Variants in VPS13B observed in about 807,000 individuals in gnomAD.
VPS13B encodes the protein vacuolar protein sorting 13 homolog B.
Under a neutral mutation model 426.4 loss-of-function variants are expected in VPS13B, and 285 were observed. That is an observed-to-expected ratio of 0.67 (90% CI 0.61 to 0.74). The LOEUF is 0.74. VPS13B is among the 30% of genes least tolerant of loss of function. The pLI is 0.00. For synonymous variants in VPS13B, 1,676 were observed against 1,676.4 expected, an observed-to-expected ratio of 1.00 and a Z score of 0.01; for missense variants, 4,537 against 4,782.6, an observed-to-expected ratio of 0.95 and a Z score of 1.51.
At chr8:99,047,396 G>A (rs969381632) in intron 3 of VPS13B, among the ~76,000 whole-genome samples, 1 of 152,044 alleles carries the variant, frequency 6.6e-6, no homozygotes, top group Admixed American at 6.6e-5. Context: ...GTTTCTAATT[G>A]AGCTTATTTG....
At chr8:99,292,511 T>C (rs1197305806) in intron 19 of VPS13B, among the ~76,000 whole-genome samples, 2 of 152,128 alleles carry the variant, frequency 1.3e-5, no homozygotes, top group East Asian at 3.8e-4. Flanking sequence ...ACTGACCAGC[T>C]TTATCTATTA....
intron 16 of VPS13B, among the ~76,000 whole-genome samples, chr8:99,188,913 G>A (rs1327711670): frequency 1.3e-5 from 2 of 152,044 alleles, no homozygotes; most frequent in Non-Finnish European, 2.9e-5. Flanking sequence ...TAAAAATTGG[G>A]CTGTGTATCT....
chr8:99,828,414 T>TGC lies in VPS13B; in HGVS notation c.9331-3955_9331-3954insGC, dbSNP rs1563495321. 6.4e-4 allele frequency among the ~76,000 whole-genome samples: 74 copies of TGC among 116,512 alleles called. 3 individuals carry two copies. Among genetic ancestry groups the TGC allele is most frequent in the African/African-American group, 2.3e-3 (67 of 29,610 alleles). 76.4% of individuals were successfully genotyped at this position (116,512 alleles called of 152,430 possible). Reference sequence around the variant, plus strand: ...CCACCGTTTTTTTTTTTTTTTTTTTTTTTTTTTTTTTTTTTTTTTTGCTTT... The same window carrying TGC: ...CCACCGTTTTTTTTTTTTTTTTTTTTGCTTTTTTTTTTTTTTTTTTTTGCTTT... On this transcript the variant is annotated intron_variant, in intron 51 of 61. Transcript: ENST00000357162.
intron 31 of VPS13B, among the ~76,000 whole-genome samples, chr8:99,562,973 A>G: frequency 6.6e-6 from 1 of 152,158 alleles, no homozygotes; most frequent in South Asian, 2.1e-4. Context: ...TAGGCAACAT[A>G]GTGAGACCTT....
chr8:99,709,665 A>T (rs981709576), intron 36 of VPS13B, among the ~76,000 whole-genome samples: 12 of 152,220 alleles, frequency 7.9e-5, no homozygotes, highest in African/African-American at 2.9e-4. Flanking sequence ...AGAAAAAATC[A>T]GCAGGAAAGC....
intron 24 of VPS13B, among the ~76,000 whole-genome samples, chr8:99,470,250 C>T (rs1819334824): frequency 6.6e-6 from 1 of 152,082 alleles, no homozygotes; most frequent in African/African-American, 2.4e-5. Context: ...GCCTATCTTT[C>T]CTACTGATTA....
intron 19 of VPS13B, among the ~76,000 whole-genome samples, chr8:99,310,515 C>T (rs1164193726): frequency 6.6e-6 from 1 of 152,168 alleles, no homozygotes. Context: ...GTTGAACCAG[C>T]CTTGCATCCC....
intron 2 of VPS13B, among the ~76,000 whole-genome samples, chr8:99,019,122 A>G (rs1057508854): frequency 6.6e-6 from 1 of 152,008 alleles, no homozygotes. Context: ...TATAATCTCT[A>G]ACAGTTTATG....
At chr8:99,026,427 C>T (rs1051692322) in intron 2 of VPS13B, among the ~76,000 whole-genome samples, 4 of 152,008 alleles carry the variant, frequency 2.6e-5, no homozygotes, top group Non-Finnish European at 5.9e-5. Context: ...AGAATGTATC[C>T]CGCAGCTGTT....
chr8:99,231,436 G>A (rs1489137793), intron 17 of VPS13B, among the ~76,000 whole-genome samples: 3 of 152,016 alleles, frequency 2.0e-5, no homozygotes, highest in Non-Finnish European at 4.4e-5. Flanking sequence ...AGCCCTAATG[G>A]CACATACCCT....
Position 99,501,728 on chromosome 8 carries a change from T to C in VPS13B, c.3912T>C (p.Asp1304=). ...IQAGEESPFS[D]SVTLEQTTSN... ...CAGGTGAGGAATCACCATTCTCAGA[T>C]TCTGTGACCTTGGAACAAACTACAA... Residue 1304 remains aspartate (D), a synonymous_variant, in exon 26 of 62, where the codon GAT becomes GAC. Transcript: ENST00000357162. 6.2e-7 allele frequency: 1 copy of C among 1,614,128 alleles called. No individual in the cohort carries two copies. The highest frequency in any genetic ancestry group is 1.1e-5 in the South Asian group (1 of 91,084).
intron 43 of VPS13B, among the ~76,000 whole-genome samples, chr8:99,805,632 G>A (rs1813360816): frequency 6.6e-6 from 1 of 152,098 alleles, no homozygotes; most frequent in South Asian, 2.1e-4. Context: ...TTCCATCTGA[G>A]GTCTTCAATG....
At chr8:99,523,894 A>G (rs781458548) in intron 30 of VPS13B, among the ~76,000 whole-genome samples, 25 of 152,156 alleles carry the variant, frequency 1.6e-4, no homozygotes, top group Non-Finnish European at 3.1e-4. Context: ...AACAAACTAA[A>G]TAAGGCACCA....
chr8:99,401,403 G>A (rs757086883), intron 21 of VPS13B, among the ~76,000 whole-genome samples: 8 of 152,118 alleles, frequency 5.3e-5, no homozygotes, highest in African/African-American at 1.9e-4. Flanking sequence ...ACTGTACATG[G>A]TAAATTGTAA....
chr8:99,270,487 T>C (rs907511814), intron 17 of VPS13B, among the ~76,000 whole-genome samples: 1 of 152,158 alleles, frequency 6.6e-6, no homozygotes, highest in African/African-American at 2.4e-5. Context: ...AAGAGTCTTA[T>C]ATATAACATG....
At chr8:99,073,895 C>G (rs1300606218) in intron 3 of VPS13B, among the ~76,000 whole-genome samples, 1 of 151,940 alleles carries the variant, frequency 6.6e-6, no homozygotes, top group East Asian at 1.9e-4. Context: ...CTGAGGCTCC[C>G]AAGTAGCTGG....
chr8:99,436,361 T>A (rs1444782660), intron 22 of VPS13B, among the ~76,000 whole-genome samples: 1 of 152,224 alleles, frequency 6.6e-6, no homozygotes, highest in Middle Eastern at 3.2e-3. Flanking sequence ...GAATTAATTG[T>A]AAGTTATGAT....
At chr8:99,195,667 G>A (rs1813875241) in intron 17 of VPS13B, among the ~76,000 whole-genome samples, 1 of 152,108 alleles carries the variant, frequency 6.6e-6, no homozygotes, top group Non-Finnish European at 1.5e-5. Context: ...TTGTCCATAA[G>A]TTTCTTCTAG....
chr8:99,281,092 A>T (rs1819146378), intron 19 of VPS13B, among the ~76,000 whole-genome samples: 3 of 152,202 alleles, frequency 2.0e-5, no homozygotes, highest in African/African-American at 7.2e-5. Context: ...ATACTCTTCC[A>T]ACTCAGATCA....
Sources: allele counts gnomAD v4.1 joint callset (sites outside exome capture counted in the v4.1 genomes callset), GRCh38; gene constraint gnomAD v4.1.1; transcripts MANE v1.5; gene names NCBI Gene and HGNC (gene_info 2026-07-23, HGNC 2026-07-21).